The following SCFD2 variants were observed in gnomAD, a reference collection of about 807,000 sequenced individuals.
The protein encoded by SCFD2 is sec1 family domain-containing protein 2.
In SCFD2, 54 loss-of-function variants were observed where a neutral mutation model predicts 58.9. That is an observed-to-expected ratio of 0.92 (90% confidence interval 0.74 to 1.15). The LOEUF (loss-of-function observed/expected upper bound fraction) is 1.15. SCFD2 is among the 50% of genes most tolerant of loss of function. The pLI, the probability that SCFD2 is intolerant of heterozygous loss-of-function variation, is 0.00. For missense variants in SCFD2, 805 were observed against 836.6 expected, an observed-to-expected ratio of 0.96 and a Z score of 0.47; for synonymous variants, 321 against 335.9, an observed-to-expected ratio of 0.96 and a Z score of 0.49.
intron 5 of SCFD2, among the ~76,000 whole-genome samples, chr4:53,139,094 C>T (rs993062437): frequency 7.2e-5 from 11 of 152,194 alleles, no homozygotes; most frequent in Admixed American, 6.5e-4. Context: ...TGGTCTCCAG[C>T]TCCTGACCGC....
intron 3 of SCFD2, among the ~76,000 whole-genome samples, chr4:53,304,278 C>T (rs1732441012): frequency 6.6e-6 from 1 of 152,198 alleles, no homozygotes; most frequent in Middle Eastern, 3.4e-3. Flanking sequence ...TTCATTTCAA[C>T]CTTGGTGAAT....
Position 53,145,538 on chromosome 4 carries a change from C to A in SCFD2, c.1356G>T (p.Leu452=), listed in dbSNP as rs552186762. Residue 452 remains leucine, a synonymous_variant, in exon 5 of 9, where the codon CTG becomes CTT. Coordinates refer to ENST00000401642, the MANE Select transcript of SCFD2 (RefSeq NM_152540.4). ...TCTGGGTTACAGGCTTAATCATGGG[C>A]AGCAGCTGATTTAACACAACGGACA... ...SAMSVVLNQL[L]PMIKPVTQRT... 2.5e-6 allele frequency: 4 copies of A among 1,614,110 alleles called. No homozygotes were observed. In the South Asian group the frequency reaches 4.4e-5, roughly 18 times the overall value.
intron 5 of SCFD2, among the ~76,000 whole-genome samples, chr4:52,973,335 A>C (rs1000955578): frequency 1.3e-5 from 2 of 152,242 alleles, no homozygotes; most frequent in African/African-American, 4.8e-5. Flanking sequence ...GATAAAGGGG[A>C]TATCACTACC....
chr4:53,048,836 C>T (rs1209961530), intron 5 of SCFD2, among the ~76,000 whole-genome samples: 4 of 152,164 alleles, frequency 2.6e-5, no homozygotes, highest in Non-Finnish European at 4.4e-5. Flanking sequence ...TGCTCACATC[C>T]TCTGCCTCCC....
intron 5 of SCFD2, among the ~76,000 whole-genome samples, chr4:52,999,653 C>G (rs143059704): frequency 1.3e-3 from 193 of 152,286 alleles, no homozygotes; most frequent in African/African-American, 4.1e-3. Flanking sequence ...CCCCTGCCAA[C>G]CCCTATTAAA....
At chr4:53,072,788 G>A (rs1034270249) in intron 5 of SCFD2, among the ~76,000 whole-genome samples, 9 of 119,684 alleles carry the variant, frequency 7.5e-5, no homozygotes, top group African/African-American at 2.1e-4. Context: ...TCTGTAGCAA[G>A]AGAGCTCTTC....
At position 53,318,728 on chromosome 4, in the gene SCFD2, G is replaced by GT. The variant is rs202200114; in HGVS notation, c.1008-4966dup. 2.9e-3 allele frequency among the ~76,000 whole-genome samples: 421 copies of GT among 145,016 alleles called. 1 individual carries two copies. The highest frequency in any genetic ancestry group is 9.0e-3 in the African/African-American group (360 of 39,830). On this transcript the variant is annotated intron_variant, in intron 2 of 8. Coordinates refer to ENST00000401642, the MANE Select transcript of SCFD2 (RefSeq NM_152540.4). ...TAATCAGGCCCACCCTAAAAGAGTT[G>GT]TTTTTTTTTTTCCCCTGATGGCCAA... is the stretch of plus-strand genomic sequence containing the variant.
chr4:53,109,012 T>G (rs1041346977), intron 5 of SCFD2, among the ~76,000 whole-genome samples: 5 of 152,164 alleles, frequency 3.3e-5, no homozygotes, highest in Admixed American at 3.3e-4. Flanking sequence ...GAAAAGCTCA[T>G]CTACCATGAT....
chr4:52,943,470 G>A (rs559948641), intron 5 of SCFD2, among the ~76,000 whole-genome samples: 2 of 152,238 alleles, frequency 1.3e-5, no homozygotes, highest in African/African-American at 4.8e-5. Flanking sequence ...GGCGGAACCA[G>A]GTGTAGCTTC....
At chr4:52,899,630 G>C (rs1016099971) in intron 7 of SCFD2, among the ~76,000 whole-genome samples, 2 of 152,084 alleles carry the variant, frequency 1.3e-5, no homozygotes, top group African/African-American at 4.8e-5. Context: ...TATGTGTCTT[G>C]GAGTTGCTCT....
intron 5 of SCFD2, among the ~76,000 whole-genome samples, chr4:52,987,374 T>A (rs931952576): frequency 6.6e-6 from 1 of 152,242 alleles, no homozygotes; most frequent in African/African-American, 2.4e-5. Context: ...TTTGTTGTAG[T>A]TATTTAATAT....
At chr4:53,124,892 G>A (rs1725580885) in intron 5 of SCFD2, among the ~76,000 whole-genome samples, 1 of 152,126 alleles carries the variant, frequency 6.6e-6, no homozygotes, top group South Asian at 2.1e-4. Context: ...TAATAGAAGA[G>A]AGAACAAACA....
chr4:52,950,512 C>T (rs1021804690), intron 5 of SCFD2: 1 of 152,196 alleles, frequency 6.6e-6, no homozygotes, highest in Admixed American at 6.5e-5. Context: ...CTATGTTTTA[C>T]CCTTTGAATG....
rs139167848 is a variant in SCFD2 at position 53,279,924 on chromosome 4, T to C, written c.1136-5923A>G. On this transcript the variant is annotated intron_variant, in intron 3 of 8. Coordinates refer to ENST00000401642, the MANE Select transcript of SCFD2 (RefSeq NM_152540.4). The stretch of plus-strand genomic sequence containing the variant: ...TACAGCATCAGGGAAACTGCCCCCA[T>C]GATACAATTACCTCCACCTGGTCTC... 5.1e-4 allele frequency among the ~76,000 whole-genome samples: 77 copies of C among 152,294 alleles called. 1 individual carries two copies. The East Asian group carries it at 0.014, about 27-fold the overall frequency.
chr4:52,898,025 G>A lies in SCFD2; in HGVS notation c.1842+9432C>T, dbSNP rs376060338. ...TATCCCCTTTGTCATTTGTTATTGCGTCTATTTGATTCTTCTCTCTTTTCT... is the reference window on the plus strand; with the variant it reads ...TATCCCCTTTGTCATTTGTTATTGCATCTATTTGATTCTTCTCTCTTTTCT... On this transcript the variant is annotated intron_variant, in intron 7 of 8. Transcript: ENST00000401642. Among the ~76,000 whole-genome samples, 26 of 152,190 alleles carry A rather than the reference G, an allele frequency of 1.7e-4. 1 individual carries two copies. In the South Asian group the frequency reaches 2.1e-3, roughly 12 times the overall value.
chr4:53,108,368 CA>C (rs1447028664), intron 5 of SCFD2, among the ~76,000 whole-genome samples: 3 of 148,848 alleles, frequency 2.0e-5, no homozygotes, highest in Non-Finnish European at 4.5e-5. Context: ...GAAATAACTA[CA>C]GCAGAAGTGA....
Position 53,236,979 on chromosome 4 carries a change from C to A in SCFD2, c.1311+36847G>T, listed in dbSNP as rs183803134. ...GTCTCTGGTTTTCCTAGGCAGAGGA[C>A]CCTGCGGCCTTCCGCAGTGTTTGTG... On this transcript the variant is annotated intron_variant, in intron 4 of 8. Coordinates refer to ENST00000401642, the MANE Select transcript of SCFD2 (RefSeq NM_152540.4). Among the ~76,000 whole-genome samples, 244 of 150,858 alleles carry A rather than the reference C, an allele frequency of 1.6e-3. 1 individual carries two copies. The highest frequency in any genetic ancestry group is 5.6e-3 in the African/African-American group (231 of 41,216).
chr4:53,287,914 A>T (rs1175809618), intron 3 of SCFD2, among the ~76,000 whole-genome samples: 1 of 152,094 alleles, frequency 6.6e-6, no homozygotes, highest in African/African-American at 2.4e-5. Flanking sequence ...ACCAAACAGA[A>T]TTCTTGGAGC....
intron 3 of SCFD2, among the ~76,000 whole-genome samples, chr4:53,296,559 T>C (rs1732040967): frequency 6.6e-6 from 1 of 152,144 alleles, no homozygotes; most frequent in Non-Finnish European, 1.5e-5. Flanking sequence ...TAGCGGTCTA[T>C]CTATTTTGTT....
Sources: allele counts gnomAD v4.1 joint callset (sites outside exome capture counted in the v4.1 genomes callset), GRCh38; gene constraint gnomAD v4.1.1; transcripts MANE v1.5; gene names NCBI Gene and HGNC (gene_info 2026-07-23, HGNC 2026-07-21).